Variants in STX3 observed in about 807,000 individuals in gnomAD.
STX3 encodes syntaxin-3.
Under a neutral mutation model 40.2 loss-of-function variants are expected in STX3, and 19 were observed. The ratio of observed to expected loss-of-function variants is 0.47; its 90% confidence interval spans 0.33 to 0.69. The LOEUF is 0.69. Ranked by LOEUF, STX3 falls within the 30% of genes least tolerant of loss-of-function variation. The pLI is 0.02. For synonymous variants in STX3, 122 were observed against 132.2 expected (o/e 0.92, Z 0.53); for missense variants, 364 against 366.7 (o/e 0.99, Z 0.06).
chr11:59,777,559 T>G (rs1864043380), intron 2 of STX3, among the ~76,000 whole-genome samples: 1 of 152,186 alleles, frequency 6.6e-6, no homozygotes, highest in Non-Finnish European at 1.5e-5. Context: ...GTGTAGCCTA[T>G]CATTTAGGGA....
chr11:59,803,683 C>A lies in STX3; in HGVS notation c.*2859C>A, dbSNP rs1759622643. 6.6e-6 allele frequency among the ~76,000 whole-genome samples: 1 copy of A among 152,174 alleles called. No homozygotes were observed. Among genetic ancestry groups the A allele is most frequent in the Non-Finnish European group, 1.5e-5 (1 of 68,030 alleles). On this transcript the variant is annotated 3_prime_UTR_variant, in exon 11 of 11. Coordinates refer to ENST00000337979, the MANE Select transcript of STX3 (RefSeq NM_004177.5). ...AAGAGGGCCGGCCACACAGTAAATTCAAATTAAATTTCTTCCCTTTCAAGG... is the reference window on the plus strand; with the variant it reads ...AAGAGGGCCGGCCACACAGTAAATTAAAATTAAATTTCTTCCCTTTCAAGG...
At position 59,793,087 on chromosome 11, in the gene STX3, T is replaced by G. The variant is rs760368336; in HGVS notation, c.467-12T>G. ...ATCTTATATTTGACGCTCTACTTCT[T>G]TTGTTACAAAGCTGGCAAAAAGACA... On this transcript the variant is annotated splice_polypyrimidine_tract_variant and intron_variant, in intron 6 of 10. Coordinates refer to ENST00000337979, the MANE Select transcript of STX3 (RefSeq NM_004177.5). The G allele has an allele frequency of 1.2e-6, 2 of 1,613,062 alleles. No homozygotes were observed. Among genetic ancestry groups the G allele is most frequent in the East Asian group, 4.5e-5 (2 of 44,872 alleles).
At chr11:59,780,575 G>A (rs1487818164) in intron 2 of STX3, among the ~76,000 whole-genome samples, 1 of 152,152 alleles carries the variant, frequency 6.6e-6, no homozygotes, top group African/African-American at 2.4e-5. Flanking sequence ...CCTCAGACAT[G>A]CCTTCTTCAT....
chr11:59,767,398 G>C (rs1366746174), intron 1 of STX3, among the ~76,000 whole-genome samples: 1 of 152,192 alleles, frequency 6.6e-6, no homozygotes, highest in Admixed American at 6.5e-5. Flanking sequence ...TTGATTCTTT[G>C]ATAAAGATGC....
rs1565171295 is a variant in STX3, at chr11:59,773,968, T to TCA, written c.114+683_114+684dup. Among the ~76,000 whole-genome samples the TCA allele has an allele frequency of 2.4e-3, 247 of 104,556 alleles. 20 individuals carry two copies. The highest frequency in any genetic ancestry group is 0.011 in the Middle Eastern group (2 of 174). 68.6% of individuals were successfully genotyped at this position (104,556 alleles called of 152,430 possible). On this transcript the variant is annotated intron_variant, in intron 2 of 10. Transcript: ENST00000337979. ...CTGGGTGACAGAGTGAGACTTTGTC[T>TCA]CACACACACAAAAAAAAAAAAAAAA... is the stretch of plus-strand genomic sequence containing the variant.
intron 1 of STX3, among the ~76,000 whole-genome samples, chr11:59,762,808 C>T (rs1257717234): frequency 2.0e-5 from 3 of 152,130 alleles, no homozygotes; most frequent in Admixed American, 6.5e-5. Context: ...CTTTGAATCT[C>T]CTTGAATGGC....
chr11:59,786,906 T>TTA, intron 2 of STX3, 131 bp from the exon 3 acceptor site: 1 of 713,918 alleles, frequency 1.4e-6, no homozygotes. Flanking sequence ...GCTGAGGACT[T>TTA]TAAGTCATTA....
intron 2 of STX3, among the ~76,000 whole-genome samples, chr11:59,777,881 G>A (rs925919462): frequency 6.6e-6 from 1 of 152,110 alleles, no homozygotes; most frequent in Non-Finnish European, 1.5e-5. Context: ...ACAATTTCTG[G>A]GGCTTTTATT....
rs1311785520 is a variant in STX3 at position 59,788,322 on chromosome 11, ATCT to A, written c.215-546_215-544del. ...CTAACACCTTGCAGGAAAAATCTAG[ATCT>A]TCTTTCTGATTCCATAGTTTCTAGC... On this transcript the variant is annotated intron_variant, in intron 3 of 10. Coordinates refer to ENST00000337979, the MANE Select transcript of STX3 (RefSeq NM_004177.5). 5.3e-5 allele frequency among the ~76,000 whole-genome samples: 8 copies of A among 152,296 alleles called. No homozygotes were observed. The East Asian group carries it at 1.4e-3, about 26-fold the overall frequency.
At position 59,781,717 on chromosome 11, in the gene STX3, C is replaced by T; in HGVS notation, c.115-5320C>T. 4 of 1,593,260 alleles carry T rather than the reference C, an allele frequency of 2.5e-6. No individual in the cohort carries two copies. The South Asian group carries it at 3.4e-5, about 13-fold the overall frequency. Reference sequence around the variant, plus strand: ...CTTCCTTCCAGCTGCTGAACTGTGGCCATGGTGGGTGCGGGCGGGCTGGCG... The same window carrying T: ...CTTCCTTCCAGCTGCTGAACTGTGGTCATGGTGGGTGCGGGCGGGCTGGCG... On this transcript the variant is annotated intron_variant, in intron 2 of 10. Transcript: ENST00000337979.
rs568070263 is a variant in STX3 at position 59,767,789 on chromosome 11, G to T, written c.31-5422G>T. Among the ~76,000 whole-genome samples, 16 of 152,250 alleles carry T rather than the reference G, an allele frequency of 1.1e-4. No individual in the cohort carries two copies. In the South Asian group the frequency reaches 3.3e-3, roughly 32 times the overall value. ...TCAGTAACTCATTATTTCATTTTGG[G>T]CCTTGGTTTCCCCCTGGTTTCTGTC... On this transcript the variant is annotated intron_variant, in intron 1 of 10. Coordinates refer to ENST00000337979, the MANE Select transcript of STX3 (RefSeq NM_004177.5).
chr11:59,798,639 C>T (rs1238986404), intron 10 of STX3, among the ~76,000 whole-genome samples: 2 of 151,986 alleles, frequency 1.3e-5, no homozygotes, highest in African/African-American at 4.8e-5. Flanking sequence ...CCTGCCTCAG[C>T]CTCCCGAGTA....
At chr11:59,762,421 A>T (rs1245665139) in intron 1 of STX3, among the ~76,000 whole-genome samples, 1 of 152,258 alleles carries the variant, frequency 6.6e-6, no homozygotes, top group African/African-American at 2.4e-5. Flanking sequence ...TCCCCAGAAG[A>T]CTGGCCTAGG....
chr11:59,757,892 T>G (rs1389195402), intron 1 of STX3, among the ~76,000 whole-genome samples: 1 of 152,120 alleles, frequency 6.6e-6, no homozygotes, highest in African/African-American at 2.4e-5. Context: ...TCTTATCCCC[T>G]CTCCCCAGCC....
chr11:59,782,923 C>T (rs370875280), intron 2 of STX3, among the ~76,000 whole-genome samples: 24 of 151,538 alleles, frequency 1.6e-4, no homozygotes, highest in South Asian at 1.5e-3. Flanking sequence ...CACTTGAACC[C>T]GGGAGGTGGA....
chr11:59,796,367 C>G (rs1488083872), intron 9 of STX3, among the ~76,000 whole-genome samples: 1 of 152,208 alleles, frequency 6.6e-6, no homozygotes, highest in African/African-American at 2.4e-5. Context: ...CTGTGGTTAT[C>G]CAGCTCTGGT....
chr11:59,781,807 C>T, intron 2 of STX3: 1 of 1,160,132 alleles, frequency 8.6e-7, no homozygotes, highest in Non-Finnish European at 1.2e-6. Context: ...CTTGACTGAG[C>T]AGCTCTAATA....
At chr11:59,770,546 T>C (rs1863552190) in intron 1 of STX3, among the ~76,000 whole-genome samples, 1 of 152,024 alleles carries the variant, frequency 6.6e-6, no homozygotes, top group African/African-American at 2.4e-5. Flanking sequence ...AGTGAACCTC[T>C]TGGGAGCTGG....
chr11:59,768,171 G>A (rs757059003), intron 1 of STX3, among the ~76,000 whole-genome samples: 10 of 152,316 alleles, frequency 6.6e-5, no homozygotes, highest in Non-Finnish European at 1.3e-4. Context: ...TCTCTCTGTT[G>A]CAGTAAAACC....
Sources: gnomAD v4.1 joint callset for allele counts (sites outside exome capture counted in the v4.1 genomes callset) on GRCh38, gnomAD v4.1.1 for gene constraint, MANE v1.5 for transcripts, NCBI Gene and HGNC (gene_info 2026-07-23, HGNC 2026-07-21) for gene names.